Variants in KHDRBS2 observed in about 807,000 individuals in gnomAD.
KHDRBS2 encodes the protein KH RNA binding domain containing, signal transduction associated 2.
A neutral mutation model predicts 44.3 loss-of-function variants in KHDRBS2; 26 were observed. The observed-to-expected ratio is 0.59, with a 90% CI of 0.43 to 0.81. The LOEUF (loss-of-function observed/expected upper bound fraction) is 0.81, where lower values mean the gene tolerates loss of function less well. Among genes scored for constraint, KHDRBS2 ranks in the 40% least tolerant of loss-of-function variants. The pLI is 0.00. For synonymous variants in KHDRBS2, 194 were observed against 151.1 expected (o/e 1.28, Z -2.08); for missense variants, 476 against 433.1 (o/e 1.10, Z -0.88).
At chr6:62,011,644 A>G (rs1780308101) in intron 3 of KHDRBS2, among the ~76,000 whole-genome samples, 1 of 152,184 alleles carries the variant, frequency 6.6e-6, no homozygotes, top group Non-Finnish European at 1.5e-5. Context: ...ACTCTTGGCT[A>G]GCCCATTTGC....
intron 4 of KHDRBS2, among the ~76,000 whole-genome samples, chr6:61,965,926 T>C (rs1263832058): frequency 2.6e-5 from 4 of 152,040 alleles, no homozygotes; most frequent in African/African-American, 4.8e-5. Flanking sequence ...GTGTATATTC[T>C]TTATAATGAG....
chr6:61,835,603 C>T (rs1792519220), intron 6 of KHDRBS2, among the ~76,000 whole-genome samples: 1 of 151,838 alleles, frequency 6.6e-6, no homozygotes, highest in African/African-American at 2.4e-5. Context: ...CTTTCCCAAA[C>T]CCTTGAGGAA....
intron 6 of KHDRBS2, among the ~76,000 whole-genome samples, chr6:61,800,815 GACA>G (rs1786135454): frequency 6.6e-6 from 1 of 152,016 alleles, no homozygotes; most frequent in African/African-American, 2.4e-5. Context: ...TTAGGATTGG[GACA>G]ACATCTTGTT....
At chr6:61,651,318 A>T in the KHDRBS2 span, among the ~76,000 whole-genome samples, 5 of 152,088 alleles carry the variant, frequency 3.3e-5, no homozygotes, top group Non-Finnish European at 7.4e-5. Context: ...ACATAATGAG[A>T]TATCCTGGGG....
intron 2 of KHDRBS2, among the ~76,000 whole-genome samples, chr6:62,071,077 C>G (rs1794945522): frequency 6.6e-6 from 1 of 152,164 alleles, no homozygotes; most frequent in Non-Finnish European, 1.5e-5. Context: ...ATTTGCATTT[C>G]TCTGATGGCA....
chr6:62,087,600 C>A (rs1202360310), intron 2 of KHDRBS2, among the ~76,000 whole-genome samples: 2 of 152,112 alleles, frequency 1.3e-5, no homozygotes, highest in Non-Finnish European at 2.9e-5. Context: ...ACAAACCCGA[C>A]CTTTCTCTCT....
At position 62,169,159 on chromosome 6, in the gene KHDRBS2, G is replaced by GTA. The variant is rs1491102372; in HGVS notation, c.219+8024_219+8025dup. On this transcript the variant is annotated intron_variant, in intron 2 of 8. Transcript: ENST00000281156. ...CACACATATATGTGTGTATATATAC[G>GTA]TACACATATATGTATATATGTATAT... Among the ~76,000 whole-genome samples the GTA allele has an allele frequency of 3.8e-3, 191 of 50,226 alleles. 7 individuals carry two copies. In the South Asian group the frequency reaches 0.075, roughly 20 times the overall value. The allele number at this position is 50,226 out of a possible 152,430, so 33.0% of individuals were successfully genotyped here. A position where few individuals can be genotyped will look rare whatever the true frequency, so the allele number is the denominator to read the frequency against.
the KHDRBS2 span, among the ~76,000 whole-genome samples, chr6:61,549,075 G>A: frequency 2.5e-4 from 38 of 152,208 alleles, no homozygotes; most frequent in African/African-American, 9.1e-4. Context: ...TAAACATAAC[G>A]TGAAATACGG....
chr6:61,823,140 T>C (rs1321505891), intron 6 of KHDRBS2, among the ~76,000 whole-genome samples: 1 of 151,984 alleles, frequency 6.6e-6, no homozygotes, highest in Non-Finnish European at 1.5e-5. Context: ...TGTTTCTGAC[T>C]AGACTCAGTT....
chr6:62,132,817 T>C (rs1810640068), intron 2 of KHDRBS2, among the ~76,000 whole-genome samples: 1 of 152,214 alleles, frequency 6.6e-6, no homozygotes, highest in Non-Finnish European at 1.5e-5. Flanking sequence ...GAAAATCCCA[T>C]AAATTCCAGC....
intron 6 of KHDRBS2, among the ~76,000 whole-genome samples, chr6:61,879,411 T>C (rs1448714958): frequency 6.6e-6 from 1 of 151,952 alleles, no homozygotes; most frequent in African/African-American, 2.4e-5. Flanking sequence ...GCCTTTTACA[T>C]CTTTACATGC....
intron 1 of KHDRBS2, among the ~76,000 whole-genome samples, chr6:62,210,403 T>C (rs1828837776): frequency 6.7e-6 from 1 of 149,984 alleles, no homozygotes; most frequent in African/African-American, 2.5e-5. Context: ...CAATCTTGGC[T>C]CATTGCAAAC....
At chr6:61,665,077 TA>T in the KHDRBS2 span, among the ~76,000 whole-genome samples, 18 of 151,614 alleles carry the variant, frequency 1.2e-4, no homozygotes, top group Non-Finnish European at 1.9e-4. Flanking sequence ...TGATGTTACA[TA>T]AAAATTTGTG....
intron 6 of KHDRBS2, among the ~76,000 whole-genome samples, chr6:61,773,299 C>T (rs1202774769): frequency 6.6e-6 from 1 of 152,086 alleles, no homozygotes; most frequent in Non-Finnish European, 1.5e-5. Context: ...CTCTCCAGCA[C>T]CTGTTGTTTC....
chr6:61,907,029 A>G (rs1472872448), intron 4 of KHDRBS2, among the ~76,000 whole-genome samples: 1 of 152,122 alleles, frequency 6.6e-6, no homozygotes, highest in Non-Finnish European at 1.5e-5. Flanking sequence ...CCCACCAAAC[A>G]GTGTATGAGG....
chr6:61,874,034 A>C (rs527992806), intron 6 of KHDRBS2, among the ~76,000 whole-genome samples: 2 of 152,198 alleles, frequency 1.3e-5, no homozygotes, highest in East Asian at 1.9e-4. Context: ...AACTCTCTCT[A>C]TATATAATTC....
chr6:61,911,812 T>C (rs2127351731), intron 4 of KHDRBS2, among the ~76,000 whole-genome samples: 1 of 152,180 alleles, frequency 6.6e-6, no homozygotes, highest in Non-Finnish European at 1.5e-5. Context: ...TATACAATAT[T>C]GCCATGAATG....
the KHDRBS2 span, among the ~76,000 whole-genome samples, chr6:61,663,343 A>G: frequency 3.4e-5 from 5 of 148,932 alleles, no homozygotes; most frequent in East Asian, 8.1e-4. Context: ...TGGCACATGT[A>G]TACATATGTA....
intron 6 of KHDRBS2, among the ~76,000 whole-genome samples, chr6:61,858,630 A>G (rs1796481664): frequency 6.6e-6 from 1 of 151,980 alleles, no homozygotes; most frequent in Admixed American, 6.6e-5. Flanking sequence ...AGCCAGGGTC[A>G]TACAAATCCT....
Sources: gnomAD v4.1 joint callset for allele counts (sites outside exome capture counted in the v4.1 genomes callset) on GRCh38, gnomAD v4.1.1 for gene constraint, MANE v1.5 for transcripts, NCBI Gene and HGNC (gene_info 2026-07-23, HGNC 2026-07-21) for gene names.